The following TRAPPC11 variants were observed in gnomAD, a reference collection of about 807,000 sequenced individuals.
The protein encoded by TRAPPC11 is foie gras homolog.
In TRAPPC11, 104 loss-of-function variants were observed where a neutral mutation model predicts 151.2. That is an observed-to-expected ratio of 0.69 (90% CI 0.59 to 0.81). The LOEUF is 0.81. Ranked by LOEUF, TRAPPC11 falls within the 30% of genes least tolerant of loss-of-function variation. The pLI, the probability that TRAPPC11 is intolerant of heterozygous loss-of-function variation, is 0.00. For missense variants in TRAPPC11, 1,230 were observed against 1,349.6 expected (o/e 0.91, Z 1.39); for synonymous variants, 456 against 472.3 (o/e 0.97, Z 0.45).
At position 183,697,828 on chromosome 4, in the gene TRAPPC11, G is replaced by A. The variant is rs151179289; in HGVS notation, c.2844G>A (p.Val948=). ...MTTVDQLESQ[V]DNVILQTGES... is the part of the protein sequence containing the mutation. Reference sequence around the variant, plus strand: ...CAGTGGACCAGCTCGAGTCTCAAGTGGACAATGGTGAGTCTGGTTCATTCC... The same window carrying A: ...CAGTGGACCAGCTCGAGTCTCAAGTAGACAATGGTGAGTCTGGTTCATTCC... The change falls in exon 25 of 30, where the codon GTG becomes GTA. Residue 948 remains valine (V), a synonymous_variant. Transcript: ENST00000334690. 27 of 1,613,480 alleles carry A rather than the reference G, an allele frequency of 1.7e-5. No homozygotes were observed. In the African/African-American group the frequency reaches 3.5e-4, roughly 21 times the overall value.
chr4:183,667,804 T>A (rs2111306604), intron 4 of TRAPPC11, among the ~76,000 whole-genome samples, 199 bp from the exon 5 acceptor site: 1 of 152,342 alleles, frequency 6.6e-6, no homozygotes, highest in African/African-American at 2.4e-5. Context: ...TTCCACAGTG[T>A]TTTCCTAAAA....
At chr4:183,678,173 G>A (rs1443010827) in intron 8 of TRAPPC11, among the ~76,000 whole-genome samples, 2 of 152,188 alleles carry the variant, frequency 1.3e-5, no homozygotes, top group South Asian at 2.1e-4. Context: ...TCTTGACCTC[G>A]TGATCCACCT....
At chr4:183,681,871 A>C (rs868246812) in intron 10 of TRAPPC11, among the ~76,000 whole-genome samples, 1 of 152,306 alleles carries the variant, frequency 6.6e-6, no homozygotes, top group Non-Finnish European at 1.5e-5. Context: ...ATTTTTGGAG[A>C]TAACTAAGGC....
chr4:183,665,608 G>T (rs1031136372), intron 2 of TRAPPC11, among the ~76,000 whole-genome samples: 1 of 152,192 alleles, frequency 6.6e-6, no homozygotes, highest in South Asian at 2.1e-4. Flanking sequence ...AAGTGGAGTA[G>T]TCTGAGCCAG....
Position 183,679,374 on chromosome 4 carries a change from C to T in TRAPPC11, c.853C>T (p.His285Tyr). ...NYKICRLCFQ[H>Y]NTPLDAIAQF... Reference sequence around the variant, plus strand: ...GCAGATCTGTAGGCTGTGTTTTCAACACAACACCCCATTGGATGCAATTGC... The same window carrying T: ...GCAGATCTGTAGGCTGTGTTTTCAATACAACACCCCATTGGATGCAATTGC... Residue 285 changes from histidine (H) to tyrosine (Y), a missense_variant, in exon 9 of 30, where the codon CAC becomes TAC. Physicochemically the swap from His to Tyr is moderately conservative, Grantham distance 83. Coordinates refer to ENST00000334690, the MANE Select transcript of TRAPPC11 (RefSeq NM_021942.6). 6.2e-7 allele frequency: 1 copy of T among 1,610,200 alleles called. No individual in the cohort carries two copies. Among genetic ancestry groups the T allele is most frequent in the Non-Finnish European group, 8.5e-7 (1 of 1,178,558 alleles).
intron 25 of TRAPPC11, among the ~76,000 whole-genome samples, chr4:183,700,032 T>C (rs1187478887): frequency 6.6e-6 from 1 of 152,086 alleles, no homozygotes; most frequent in Non-Finnish European, 1.5e-5. Context: ...CACCGTGGTC[T>C]CGATCTCCTG....
chr4:183,689,067 A>G (rs1022422868), intron 18 of TRAPPC11, among the ~76,000 whole-genome samples: 2 of 152,188 alleles, frequency 1.3e-5, no homozygotes, highest in South Asian at 2.1e-4. Flanking sequence ...AAGCAAGAGC[A>G]TGCAATTTAT....
At chr4:183,697,374 A>G in intron 23 of TRAPPC11, 129 bp from the exon 24 acceptor site, 4 of 846,170 alleles carry the variant, frequency 4.7e-6, no homozygotes, top group Non-Finnish European at 7.2e-6. Context: ...AATGTTATCT[A>G]AAAGGCCTTT....
intron 5 of TRAPPC11, 65 bp downstream of exon 5, chr4:183,668,182 A>C: frequency 1.1e-6 from 1 of 875,550 alleles, no homozygotes; most frequent in Non-Finnish European, 1.8e-6. Context: ...TTGGTAGCTT[A>C]GACCCATTTA....
In TRAPPC11 at chr4:183,674,676, C is replaced by A. The variant is rs536549068; in HGVS notation, c.561-37C>A. On this transcript the variant is annotated intron_variant, in intron 5 of 29. Transcript: ENST00000334690. ...TTGAAAAGTTTGGTTTAAAATAATT[C>A]AATATGTAAATGCTTGTTTGTTTTT... 4.1e-4 allele frequency: 507 copies of A among 1,225,808 alleles called. 2 individuals carry two copies. The African/African-American group carries it at 6.8e-3, about 17-fold the overall frequency. 75.9% of individuals were successfully genotyped at this position (1,225,808 alleles called of 1,614,324 possible).
At position 183,697,765 on chromosome 4, in the gene TRAPPC11, T is replaced by C. The variant is rs1736612299; in HGVS notation, c.2781T>C (p.Ile927=). The part of the protein sequence containing the change: ...LLSASPWALT[I]VSSELQLAPS... Reference sequence around the variant, plus strand: ...GTGCCTCACCCTGGGCCCTCACTATTGTTTCCAGTGAGCTCCAGCTTGCTC... The same window carrying C: ...GTGCCTCACCCTGGGCCCTCACTATCGTTTCCAGTGAGCTCCAGCTTGCTC... The change falls in exon 25 of 30, where the codon ATT becomes ATC. Residue 927 remains isoleucine, a synonymous_variant. Coordinates refer to ENST00000334690, the MANE Select transcript of TRAPPC11 (RefSeq NM_021942.6). 1 of 1,614,126 alleles carries C rather than the reference T, an allele frequency of 6.2e-7. No homozygotes were observed. The highest frequency in any genetic ancestry group is 1.1e-5 in the South Asian group (1 of 91,080).
At chr4:183,707,082 CT>C in intron 28 of TRAPPC11, 142 bp downstream of exon 28, 4 of 967,918 alleles carry the variant, frequency 4.1e-6, no homozygotes, top group Non-Finnish European at 5.8e-6. Flanking sequence ...TTTTAAGCAC[CT>C]TAAGTACAGC....
At chr4:183,670,907 T>C (rs1370841701) in intron 5 of TRAPPC11, among the ~76,000 whole-genome samples, 1 of 152,174 alleles carries the variant, frequency 6.6e-6, no homozygotes, top group Non-Finnish European at 1.5e-5. Context: ...TGCCTCAGCC[T>C]CCCAAGTAGC....
chr4:183,710,051 A>G (rs1006238426), intron 29 of TRAPPC11, among the ~76,000 whole-genome samples: 3 of 152,180 alleles, frequency 2.0e-5, no homozygotes, highest in African/African-American at 7.2e-5. Flanking sequence ...ATTTAGATGT[A>G]TGTAGACTTG....
intron 1 of TRAPPC11, among the ~76,000 whole-genome samples, chr4:183,662,151 A>C (rs936947813): frequency 3.9e-5 from 6 of 152,094 alleles, no homozygotes; most frequent in Non-Finnish European, 8.8e-5. Context: ...TGAGGTCACG[A>C]GATCAAGACC....
intron 17 of TRAPPC11, among the ~76,000 whole-genome samples, 193 bp downstream of exon 17, chr4:183,685,596 T>C (rs1182641907): frequency 6.6e-6 from 1 of 152,228 alleles, no homozygotes; most frequent in Admixed American, 6.5e-5. Context: ...ACTTGACTTA[T>C]GTTTTAAAAT....
At position 183,685,423 on chromosome 4, in the gene TRAPPC11, A is replaced by G; in HGVS notation, c.1762+20A>G. 6.2e-7 allele frequency: 1 copy of G among 1,604,098 alleles called. No homozygotes were observed. ...CATTTGGTAGGTAGCTAACATCTAC[A>G]GTACTATTTCAGAGAAATTGTCTTA... On this transcript the variant is annotated intron_variant, in intron 17 of 29. Transcript: ENST00000334690.
intron 18 of TRAPPC11, among the ~76,000 whole-genome samples, chr4:183,688,278 A>G (rs1278719897): frequency 1.3e-5 from 2 of 152,122 alleles, no homozygotes; most frequent in Non-Finnish European, 2.9e-5. Flanking sequence ...AAAGGGAGGG[A>G]GTTCCAAGAA....
At chr4:183,687,047 G>A (rs1361648380) in intron 18 of TRAPPC11, among the ~76,000 whole-genome samples, 2 of 152,102 alleles carry the variant, frequency 1.3e-5, no homozygotes, top group African/African-American at 2.4e-5. Flanking sequence ...TGGGTGTGGT[G>A]GCACGTGCCT....
Sources: gnomAD v4.1 joint callset for allele counts (sites outside exome capture counted in the v4.1 genomes callset) on GRCh38, gnomAD v4.1.1 for gene constraint, MANE v1.5 for transcripts, NCBI Gene and HGNC (gene_info 2026-07-23, HGNC 2026-07-21) for gene names.